GPC6: variants seen among roughly 807,000 people sequenced by gnomAD.
The protein encoded by GPC6 is glypican-6.
GPC6 carries 14 observed loss-of-function variants against 55.2 expected under a neutral mutation model. The observed-to-expected ratio is 0.25, with a 90% CI of 0.17 to 0.40. The LOEUF is 0.40. GPC6 is among the 10% of genes least tolerant of loss of function. The probability of loss-of-function intolerance (pLI) is 1.00; values close to 1 mark genes in which losing one functional copy is unlikely to be tolerated. For synonymous variants in GPC6, 278 were observed against 259.6 expected (o/e 1.07, Z -0.68); for missense variants, 641 against 708.5 (o/e 0.90, Z 1.08).
At chr13:94,294,497 C>G (rs946721982) in intron 5 of GPC6, among the ~76,000 whole-genome samples, 1 of 150,158 alleles carries the variant, frequency 6.7e-6, no homozygotes, top group Non-Finnish European at 1.5e-5. Flanking sequence ...ACTTCTGTCT[C>G]TAGCTATTGG....
At chr13:93,577,334 A>G (rs1305330793) in intron 2 of GPC6, among the ~76,000 whole-genome samples, 3 of 152,134 alleles carry the variant, frequency 2.0e-5, no homozygotes, top group Non-Finnish European at 4.4e-5. Flanking sequence ...GTAACTGCAG[A>G]TAAATTATCT....
At chr13:93,306,826 G>A (rs1034311977) in intron 1 of GPC6, among the ~76,000 whole-genome samples, 11 of 152,096 alleles carry the variant, frequency 7.2e-5, no homozygotes, top group Admixed American at 2.6e-4. Flanking sequence ...ATTTTGTAGC[G>A]TGTGGTTCAT....
chr13:94,305,866 G>A, intron 5 of GPC6, 114 bp from the exon 6 acceptor site: 1 of 943,234 alleles, frequency 1.1e-6, no homozygotes, highest in Non-Finnish European at 1.7e-6. Context: ...AGAGTTTATT[G>A]GAGGTAAAAG....
At chr13:93,896,312 A>C (rs956896558) in intron 3 of GPC6, among the ~76,000 whole-genome samples, 2 of 152,084 alleles carry the variant, frequency 1.3e-5, no homozygotes, top group Non-Finnish European at 2.9e-5. Context: ...AAAAATGTTT[A>C]AGCCGTACAG....
chr13:93,666,876 A>G (rs761206579), intron 2 of GPC6, among the ~76,000 whole-genome samples: 1 of 152,180 alleles, frequency 6.6e-6, no homozygotes, highest in Non-Finnish European at 1.5e-5. Flanking sequence ...AACTCTGTAT[A>G]TTTAACTGTG....
At chr13:93,877,627 C>T (rs369978306) in intron 3 of GPC6, among the ~76,000 whole-genome samples, 20 of 152,052 alleles carry the variant, frequency 1.3e-4, no homozygotes, top group African/African-American at 4.6e-4. Context: ...GAATCCAACC[C>T]GTTAGTCTGT....
At position 93,881,598 on chromosome 13, in the gene GPC6, C is replaced by T. The variant is rs149683248; in HGVS notation, c.711+51053C>T. The stretch of plus-strand genomic sequence containing the variant: ...TATATTCATTGCTAATGGGGTGTCA[C>T]TGCTGCTAGGCCCTCTCAGTGGACA... On this transcript the variant is annotated intron_variant, in intron 3 of 8. Coordinates refer to ENST00000377047, the MANE Select transcript of GPC6 (RefSeq NM_005708.5). Among the ~76,000 whole-genome samples, 324 of 152,146 alleles carry T rather than the reference C, an allele frequency of 2.1e-3. 2 individuals carry two copies. The highest frequency in any genetic ancestry group is 7.2e-3 in the African/African-American group (298 of 41,526).
rs994028775 is a variant in GPC6, at chr13:93,438,372, C to G, written c.161-106891C>G. ...GCATCTGGGCAAAGTCAATTGAAAACCTTTTGGAAAGTATTCACCATTCTA... is the reference window on the plus strand; with the variant it reads ...GCATCTGGGCAAAGTCAATTGAAAAGCTTTTGGAAAGTATTCACCATTCTA... On this transcript the variant is annotated intron_variant, in intron 1 of 8. Coordinates refer to ENST00000377047, the MANE Select transcript of GPC6 (RefSeq NM_005708.5). Among the ~76,000 whole-genome samples, 3 of 152,116 alleles carry G rather than the reference C, an allele frequency of 2.0e-5. No homozygotes were observed. In the South Asian group the frequency reaches 6.2e-4, roughly 31 times the overall value.
intron 4 of GPC6, among the ~76,000 whole-genome samples, chr13:94,272,163 A>G (rs996470912): frequency 2.6e-5 from 4 of 152,120 alleles, no homozygotes; most frequent in African/African-American, 9.6e-5. Context: ...ATTGCTCACT[A>G]ATCACACTGT....
At chr13:94,073,934 A>G (rs1005883292) in intron 4 of GPC6, among the ~76,000 whole-genome samples, 2 of 152,192 alleles carry the variant, frequency 1.3e-5, no homozygotes, top group African/African-American at 2.4e-5. Flanking sequence ...GGGAAATGGC[A>G]CTATTAGCAA....
intron 4 of GPC6, among the ~76,000 whole-genome samples, chr13:94,131,271 A>T (rs754438677): frequency 1.3e-5 from 2 of 152,100 alleles, no homozygotes; most frequent in African/African-American, 4.8e-5. Context: ...TTTTATTTTT[A>T]TGGCTTTATT....
chr13:93,600,137 A>G (rs1427351403), intron 2 of GPC6, among the ~76,000 whole-genome samples: 1 of 152,220 alleles, frequency 6.6e-6, no homozygotes, highest in African/African-American at 2.4e-5. Flanking sequence ...TATGTAACTT[A>G]TAACAAATAA....
At chr13:94,061,453 G>A (rs958383437) in intron 4 of GPC6, among the ~76,000 whole-genome samples, 2 of 152,156 alleles carry the variant, frequency 1.3e-5, no homozygotes, top group Admixed American at 1.3e-4. Flanking sequence ...AGACATGGAA[G>A]CCAGAGTTGT....
rs767217595 is a variant in GPC6 at position 94,053,377 on chromosome 13, C to CT, written c.877+25484dup. On this transcript the variant is annotated intron_variant, in intron 4 of 8. Coordinates refer to ENST00000377047, the MANE Select transcript of GPC6 (RefSeq NM_005708.5). ...ACCGACTTTTGAAGTGTAACAGGGA[C>CT]TAGGGTTGTCACCTTCCACATGAAA... is the stretch of plus-strand genomic sequence containing the variant. Among the ~76,000 whole-genome samples, 20 of 152,286 alleles carry CT rather than the reference C, an allele frequency of 1.3e-4. No homozygotes were observed. In the Middle Eastern group the frequency reaches 0.01, roughly 78 times the overall value.
rs192590883 is a variant in GPC6, at chr13:93,608,988, A to G, written c.319+63567A>G. On this transcript the variant is annotated intron_variant, in intron 2 of 8. Coordinates refer to ENST00000377047, the MANE Select transcript of GPC6 (RefSeq NM_005708.5). ...TGCTATGGTCTATGTTTGAGTATCTATTGGTAAAGGCTGACACATAAATAG... is the reference window on the plus strand; with the variant it reads ...TGCTATGGTCTATGTTTGAGTATCTGTTGGTAAAGGCTGACACATAAATAG... Among the ~76,000 whole-genome samples the G allele has an allele frequency of 3.9e-5, 6 of 152,320 alleles. No homozygotes were observed. The East Asian group carries it at 1.2e-3, about 29-fold the overall frequency.
chr13:94,044,897 CT>C (rs933241395), intron 4 of GPC6, among the ~76,000 whole-genome samples: 1 of 151,548 alleles, frequency 6.6e-6, no homozygotes, highest in Non-Finnish European at 1.5e-5. Context: ...AAATTAACAC[CT>C]TTTTTTAACG....
intron 2 of GPC6, among the ~76,000 whole-genome samples, chr13:93,721,080 G>T (rs1023723336): frequency 6.6e-6 from 1 of 151,862 alleles, no homozygotes; most frequent in Non-Finnish European, 1.5e-5. Context: ...TATTAGGTCC[G>T]CTAGGTCCAG....
chr13:94,004,028 A>G (rs2140427296), intron 3 of GPC6, among the ~76,000 whole-genome samples: 1 of 152,362 alleles, frequency 6.6e-6, no homozygotes. Context: ...AATAAAATAA[A>G]GTATGCTTAG....
intron 1 of GPC6, among the ~76,000 whole-genome samples, chr13:93,420,042 G>A (rs938967297): frequency 4.6e-5 from 7 of 152,004 alleles, no homozygotes; most frequent in Non-Finnish European, 7.4e-5. Context: ...ACACACACAC[G>A]ATAGAACAAC....
Sources: gnomAD v4.1 joint callset for allele counts (sites outside exome capture counted in the v4.1 genomes callset) on GRCh38, gnomAD v4.1.1 for gene constraint, MANE v1.5 for transcripts, NCBI Gene and HGNC (gene_info 2026-07-23, HGNC 2026-07-21) for gene names.